Variants in ABCF2 observed in about 807,000 individuals in gnomAD.
The protein encoded by ABCF2 is ATP-binding cassette sub-family F member 2.
ABCF2 carries 37 observed loss-of-function variants against 76.9 expected under a neutral mutation model. That is an observed-to-expected ratio of 0.48 (90% CI 0.37 to 0.63). The LOEUF is 0.63. ABCF2 is among the 30% of genes least tolerant of loss of function. The pLI is 0.00. For missense variants in ABCF2, 524 were observed against 782.1 expected, an observed-to-expected ratio of 0.67 and a Z score of 3.94; for synonymous variants, 299 against 283.7, an observed-to-expected ratio of 1.05 and a Z score of -0.54.
In ABCF2 at chr7:151,215,717, G is replaced by T; in HGVS notation, c.1417C>A (p.Leu473Met). 1 of 1,614,190 alleles carries T rather than the reference G, an allele frequency of 6.2e-7. No homozygotes were observed. Among genetic ancestry groups the T allele is most frequent in the Non-Finnish European group, 8.5e-7 (1 of 1,180,028 alleles). ...GRYHQHLQEQ[L>M]DLDLSPLEYM... ...TCCAAAGGTGAGAGATCTAAGTCCA[G>T]CTGCTCTTGTAAATGCTACAGGAAA... Residue 473 changes from leucine (L) to methionine (M), a missense_variant, in exon 13 of 15, where the codon CTG becomes ATG. Leu to Met is a conservative substitution (Grantham distance 15). Transcript: ENST00000287844. This position sits in a 1 kb window ranked among gnomAD's most constrained non-coding sequence, Gnocchi z 4.6.
At position 151,213,212 on chromosome 7, in the gene ABCF2, C is replaced by A. The variant is rs915102613; in HGVS notation, c.*842G>T. 1.0e-6 allele frequency: 1 copy of A among 981,454 alleles called. No homozygotes were observed. The highest frequency in any genetic ancestry group is 1.1e-4 in the East Asian group (1 of 8,806). 60.8% of individuals were successfully genotyped at this position (981,454 alleles called of 1,614,324 possible). ...CCTGGAAACTTGCTAGAAATGTTAA[C>A]GTTCTTGGTCTCCCCCAAAACCTAT... On this transcript the variant is annotated 3_prime_UTR_variant, in exon 15 of 15. Coordinates refer to ENST00000287844, the MANE Select transcript of ABCF2 (RefSeq NM_007189.3).
intron 11 of ABCF2, among the ~76,000 whole-genome samples, chr7:151,216,659 G>A (rs111684288): frequency 0.09 from 13,674 of 152,068 alleles, 733 homozygotes; most frequent in Non-Finnish European, 0.12. Context: ...ACAGACACCC[G>A]CCACCACACC....
intron 1 of ABCF2, chr7:151,226,849 C>G (rs1021674288): frequency 1.6e-4 from 27 of 166,118 alleles, no homozygotes; most frequent in Non-Finnish European, 2.6e-5. Flanking sequence ...CTCAGCTAGC[C>G]GCCTCACTTT....
intron 8 of ABCF2, 76 bp from the exon 9 acceptor site, chr7:151,218,949 G>T (rs528097798): frequency 6.2e-7 from 1 of 1,608,444 alleles, no homozygotes; most frequent in South Asian, 1.1e-5. Flanking sequence ...TAAAAATGTT[G>T]ATCGTAACTT....
rs1422205150 is a variant in ABCF2, at chr7:151,215,116, A to G, written c.1531-34T>C. The stretch of plus-strand genomic sequence containing the variant: ...AACCGTGACCTACATATAACTTGGC[A>G]TTATCCCCGCCAAACAGCACAGCTC... On this transcript the variant is annotated intron_variant, in intron 13 of 14. Coordinates refer to ENST00000287844, the MANE Select transcript of ABCF2 (RefSeq NM_007189.3). This position sits in a 1 kb window ranked among gnomAD's most constrained non-coding sequence, Gnocchi z 4.6. 2 of 1,577,434 alleles carry G rather than the reference A, an allele frequency of 1.3e-6. No individual in the cohort carries two copies. Among genetic ancestry groups the G allele is most frequent in the African/African-American group, 2.7e-5 (2 of 74,126 alleles).
At position 151,214,928 on chromosome 7, in the gene ABCF2, A is replaced by T; in HGVS notation, c.1685T>A (p.Phe562Tyr). ...IDALADAINEFEGGMMLVSHD... is the reference protein window; with the variant it reads ...IDALADAINEYEGGMMLVSHD... ...GCTGACCAGCATCATACCACCCTCA[A>T]ACTCATTGATGGCATCTGCCAGGGC... The change falls in exon 14 of 15, where the codon TTT (phenylalanine) becomes TAT (tyrosine). Residue 562 changes from phenylalanine (F) to tyrosine (Y), a missense_variant. Physicochemically the swap from Phe to Tyr is conservative, Grantham distance 22 (BLOSUM62 3). This residue lies in a region of ABCF2 where 194 missense variants were observed against 348.6 expected (regional missense o/e 0.56). Transcript: ENST00000287844. This position sits in a 1 kb window ranked among gnomAD's most constrained non-coding sequence, Gnocchi z 4.9. The T allele has an allele frequency of 6.2e-7, 1 of 1,614,154 alleles. No homozygotes were observed. Among genetic ancestry groups the T allele is most frequent in the East Asian group, 2.2e-5 (1 of 44,890 alleles).
intron 5 of ABCF2, among the ~76,000 whole-genome samples, chr7:151,223,282 C>T (rs1802308415): frequency 6.6e-6 from 1 of 152,102 alleles, no homozygotes; most frequent in Non-Finnish European, 1.5e-5. Flanking sequence ...GAGTCCAGGC[C>T]ACAAGAGAAT....
At position 151,218,984 on chromosome 7, in the gene ABCF2, C is replaced by T. The variant is rs971273798; in HGVS notation, c.1017+80G>A. On this transcript the variant is annotated intron_variant, in intron 8 of 14. Transcript: ENST00000287844. ...TCTTCCCGACATCCTCCATCACTACCGCTTCTCGAAATGCCCTCATCCGAG... is the reference window on the plus strand; with the variant it reads ...TCTTCCCGACATCCTCCATCACTACTGCTTCTCGAAATGCCCTCATCCGAG... 7.5e-6 allele frequency: 12 copies of T among 1,610,470 alleles called. No individual in the cohort carries two copies. In the African/African-American group the frequency reaches 8.0e-5, roughly 11 times the overall value.
chr7:151,225,293 G>A (rs1802350379), intron 2 of ABCF2, among the ~76,000 whole-genome samples: 1 of 152,096 alleles, frequency 6.6e-6, no homozygotes, highest in African/African-American at 2.4e-5. Flanking sequence ...CCCCTTTTCT[G>A]AACGCCTATC....
At chr7:151,216,065 A>G (rs1191369010) in intron 11 of ABCF2, 36 bp from the exon 12 acceptor site, 2 of 1,568,714 alleles carry the variant, frequency 1.3e-6, no homozygotes, top group African/African-American at 3.2e-5. Context: ...AGCATGAAAC[A>G]AAGGAAGCCC....
In ABCF2 at chr7:151,212,494, C is replaced by G; in HGVS notation, c.*1560G>C. ...ATTAATCAATAGGTCTGATGCTCAG[C>G]AATCTGAATTTTTTTATTTTTTTGA... On this transcript the variant is annotated 3_prime_UTR_variant, in exon 15 of 15. Transcript: ENST00000287844. 1 of 985,404 alleles carries G rather than the reference C, an allele frequency of 1.0e-6. No homozygotes were observed. The highest frequency in any genetic ancestry group is 1.2e-6 in the Non-Finnish European group (1 of 829,934). 61.0% of individuals were successfully genotyped at this position (985,404 alleles called of 1,614,324 possible). A position where few individuals can be genotyped will look rare whatever the true frequency, so the allele number is the denominator to read the frequency against.
Position 151,215,890 on chromosome 7 carries a change from G to A in ABCF2, c.1401+77C>T. The A allele has an allele frequency of 6.3e-7, 1 of 1,580,036 alleles. No individual in the cohort carries two copies. The highest frequency in any genetic ancestry group is 8.7e-7 in the Non-Finnish European group (1 of 1,154,348). On this transcript the variant is annotated intron_variant, in intron 12 of 14. Coordinates refer to ENST00000287844, the MANE Select transcript of ABCF2 (RefSeq NM_007189.3). The surrounding 1 kb of genome is among the most constrained non-coding windows in gnomAD (Gnocchi z 4.6). ...GAATTCCTGCCAGGGGGTGGGGGCG[G>A]CTGGCTGGAACTCAGCCAGATACAG...
At chr7:151,222,392 G>T in intron 6 of ABCF2, 129 bp downstream of exon 6, 1 of 674,970 alleles carries the variant, frequency 1.5e-6, no homozygotes, top group Non-Finnish European at 2.5e-6. Flanking sequence ...GCTTGTCCAA[G>T]AAAGTGAACT....
At chr7:151,217,852 C>CTG (rs1219809411) in intron 11 of ABCF2, among the ~76,000 whole-genome samples, 7 of 152,032 alleles carry the variant, frequency 4.6e-5, no homozygotes, top group Non-Finnish European at 7.4e-5. Context: ...CACACACACT[C>CTG]TAAGACTCCT....
At position 151,223,901 on chromosome 7, in the gene ABCF2, C is replaced by T. The variant is rs771139734; in HGVS notation, c.550+31G>A. ...TCCTGGGGGCCTTTCTGGGAGGACG[C>T]CCACCCCTATGCCCAGGTCTGGAGC... On this transcript the variant is annotated intron_variant, in intron 4 of 14. Transcript: ENST00000287844. The T allele has an allele frequency of 4.4e-6, 7 of 1,606,546 alleles. No homozygotes were observed. The African/African-American group carries it at 9.4e-5, about 22-fold the overall frequency.
intron 7 of ABCF2, among the ~76,000 whole-genome samples, chr7:151,219,376 G>A (rs976157669): frequency 1.4e-4 from 21 of 152,208 alleles, no homozygotes; most frequent in African/African-American, 4.6e-4. Flanking sequence ...GCCAGGGCCA[G>A]GCTCCAGCGC....
rs1470183783 is a variant in ABCF2 at position 151,214,704 on chromosome 7, GCTTT to G, written c.1734+171_1734+174del. Among the ~76,000 whole-genome samples, 15 of 152,242 alleles carry G rather than the reference GCTTT, an allele frequency of 9.9e-5. No individual in the cohort carries two copies. Among genetic ancestry groups the G allele is most frequent in the African/African-American group, 3.6e-4 (15 of 41,540 alleles). On this transcript the variant is annotated intron_variant, in intron 14 of 14. Coordinates refer to ENST00000287844, the MANE Select transcript of ABCF2 (RefSeq NM_007189.3). The surrounding 1 kb of genome is among the most constrained non-coding windows in gnomAD (Gnocchi z 4.9). Reference sequence around the variant, plus strand: ...GAAGAAATGAAGTGTTTCAGTTAAGGCTTTCTAAGTAGCCCCAAAGAGGCATAAG... The same window carrying G: ...GAAGAAATGAAGTGTTTCAGTTAAGGCTAAGTAGCCCCAAAGAGGCATAAG...
intron 5 of ABCF2, among the ~76,000 whole-genome samples, chr7:151,223,459 T>G (rs1460142805): frequency 1.3e-5 from 2 of 152,220 alleles, no homozygotes; most frequent in African/African-American, 4.8e-5. Context: ...AACTCTGTGC[T>G]GGGTGCTAAG....
At chr7:151,225,174 C>G (rs1000146707) in intron 2 of ABCF2, among the ~76,000 whole-genome samples, 186 bp from the exon 3 acceptor site, 4 of 152,216 alleles carry the variant, frequency 2.6e-5, no homozygotes, top group Admixed American at 2.6e-4. Flanking sequence ...CCTCCCATAT[C>G]TGTTTACTTA....
Sources: gnomAD v4.1 joint callset for allele counts (sites outside exome capture counted in the v4.1 genomes callset) on GRCh38, gnomAD v4.1.1 for gene constraint, gnomAD v4.1.1 regional missense constraint, Gnocchi (gnomAD v3.1) non-coding constraint, MANE v1.5 for transcripts, NCBI Gene and HGNC (gene_info 2026-07-23, HGNC 2026-07-21) for gene names.